Variants in ADPRH observed in about 807,000 individuals in gnomAD.
ADPRH encodes ADP-ribosylarginine hydrolase.
A neutral mutation model predicts 28.8 loss-of-function variants in ADPRH; 27 were observed. That is an observed-to-expected ratio of 0.94 (90% CI 0.69 to 1.29). The LOEUF (loss-of-function observed/expected upper bound fraction) is 1.29, where lower values mean the gene tolerates loss of function less well. Ranked by LOEUF, ADPRH falls within the 50% of genes most tolerant of loss-of-function variation. ADPRH has a pLI of 0.00. For missense variants in ADPRH, 419 were observed against 444.8 expected (o/e 0.94, Z 0.52); for synonymous variants, 161 against 166.9 (o/e 0.96, Z 0.27).
rs1164839910 is a variant in ADPRH, at chr3:119,589,581, G to C, written c.*1703G>C. 6.6e-6 allele frequency: 1 copy of C among 152,198 alleles called. No homozygotes were observed. The highest frequency in any genetic ancestry group is 1.9e-4 in the East Asian group (1 of 5,206). The allele number at this position is 152,198 out of a possible 1,614,324, so 9.4% of individuals were successfully genotyped here. ...GGTTGTGTGTGCCCCAGGGGGTCGGGGGTAGGGGATGCAGGGAGGATCTTA... is the reference window on the plus strand; with the variant it reads ...GGTTGTGTGTGCCCCAGGGGGTCGGCGGTAGGGGATGCAGGGAGGATCTTA... On this transcript the variant is annotated 3_prime_UTR_variant, in exon 5 of 5. Transcript: ENST00000357003.
In ADPRH at chr3:119,582,352, G is replaced by C; in HGVS notation, c.183G>C (p.Leu61Phe). 5.6e-6 allele frequency: 9 copies of C among 1,614,202 alleles called. No individual in the cohort carries two copies. Among genetic ancestry groups the C allele is most frequent in the Non-Finnish European group, 7.6e-6 (9 of 1,180,040 alleles). Residue 61 changes from leucine to phenylalanine, a missense_variant, in exon 3 of 5, where the codon TTG (leucine) becomes TTC (phenylalanine). Transcript: ENST00000357003. ...WRVSDDTVMH[L>F]ATAEALVEAG... ...TTAGTGACGACACAGTGATGCACTT[G>C]GCCACAGCAGAAGCTCTTGTGGAAG...
At chr3:119,583,555 A>C (rs1002903757) in intron 3 of ADPRH, among the ~76,000 whole-genome samples, 5 of 152,164 alleles carry the variant, frequency 3.3e-5, no homozygotes, top group African/African-American at 1.2e-4. Context: ...ATTGAAAAGT[A>C]TTATTATACA....
At position 119,586,358 on chromosome 3, in the gene ADPRH, C is replaced by A. The variant is rs536835076; in HGVS notation, c.372C>A (p.Ser124Arg). Residue 124 changes from serine to arginine, a missense_variant, in exon 4 of 5, where the codon AGC (serine) becomes AGA (arginine). Coordinates refer to ENST00000357003, the MANE Select transcript of ADPRH (RefSeq NM_001125.4). ...KPNGWRIPFN[S>R]HEGGCGAAMR... The stretch of plus-strand genomic sequence containing the variant: ...ATGGCTGGAGGATTCCCTTCAACAG[C>A]CATGAGGGCGGCTGTGGGGCTGCCA... The A allele has an allele frequency of 1.2e-6, 2 of 1,614,232 alleles. No individual in the cohort carries two copies. The highest frequency in any genetic ancestry group is 1.7e-6 in the Non-Finnish European group (2 of 1,180,056).
Position 119,587,860 on chromosome 3 carries a change from C to T in ADPRH, c.1056C>T (p.Asp352=). Residue 352 remains aspartate, a synonymous_variant, in exon 5 of 5, where the codon GAC becomes GAT. Transcript: ENST00000357003. Reference sequence around the variant, plus strand: ...TATATTCTCTCGGGTCAAAAGAAGACACTGTAATTTCCCTTTAGGGAGACG... The same window carrying T: ...TATATTCTCTCGGGTCAAAAGAAGATACTGTAATTTCCCTTTAGGGAGACG... ...RALYSLGSKE[D]TVISL is the part of the protein sequence containing the mutation. 6.2e-7 allele frequency: 1 copy of T among 1,600,784 alleles called. No homozygotes were observed. Among genetic ancestry groups the T allele is most frequent in the South Asian group, 1.1e-5 (1 of 89,386 alleles).
chr3:119,588,041 C>A lies in ADPRH; in HGVS notation c.*163C>A. ...TAAGCTCAGTTTTTTCAGGCTCATC[C>A]TGTTCTTCCAGAATCTATCCCTTTT... is the stretch of plus-strand genomic sequence containing the variant. On this transcript the variant is annotated 3_prime_UTR_variant, in exon 5 of 5. Transcript: ENST00000357003. 3 of 642,182 alleles carry A rather than the reference C, an allele frequency of 4.7e-6. No homozygotes were observed. The highest frequency in any genetic ancestry group is 7.3e-6 in the Non-Finnish European group (3 of 408,638). 39.8% of individuals were successfully genotyped at this position (642,182 alleles called of 1,614,324 possible).
rs377275745 is a variant in ADPRH at position 119,586,355 on chromosome 3, C to T, written c.369C>T (p.Asn123=). 14 of 1,614,210 alleles carry T rather than the reference C, an allele frequency of 8.7e-6. No individual in the cohort carries two copies. The highest frequency in any genetic ancestry group is 1.2e-5 in the Non-Finnish European group (14 of 1,180,048). ...GKPNGWRIPF[N]SHEGGCGAAM... ...CCAATGGCTGGAGGATTCCCTTCAACAGCCATGAGGGCGGCTGTGGGGCTG... is the reference window on the plus strand; with the variant it reads ...CCAATGGCTGGAGGATTCCCTTCAATAGCCATGAGGGCGGCTGTGGGGCTG... The change falls in exon 4 of 5, where the codon AAC becomes AAT. Residue 123 remains asparagine, a synonymous_variant. Coordinates refer to ENST00000357003, the MANE Select transcript of ADPRH (RefSeq NM_001125.4).
At position 119,582,459 on chromosome 3, in the gene ADPRH, G is replaced by A. The variant is rs756802683; in HGVS notation, c.290G>A (p.Arg97Gln). The A allele has an allele frequency of 8.7e-6, 14 of 1,612,184 alleles. No homozygotes were observed. Among genetic ancestry groups the A allele is most frequent in the East Asian group, 2.2e-5 (1 of 44,872 alleles). ...YQDCMEDMDG[R>Q]APGGASVHNA... ...GACTGCATGGAAGACATGGATGGGC[G>A]GGCACCAGGTGAGCACAGCCGGTGG... Residue 97 changes from arginine (R) to glutamine (Q), a missense_variant, in exon 3 of 5, where the codon CGG becomes CAG. By Grantham distance (43) the Arg-to-Gln change is conservative (BLOSUM62 1). Coordinates refer to ENST00000357003, the MANE Select transcript of ADPRH (RefSeq NM_001125.4).
rs530941827 is a variant in ADPRH at position 119,583,432 on chromosome 3, C to G, written c.298+965C>G. On this transcript the variant is annotated intron_variant, in intron 3 of 4. Transcript: ENST00000357003. ...AGATATGCTAATTAGCCTGATCATC[C>G]CACATTGTTTACATATATCAAATCA... 7.6e-4 allele frequency among the ~76,000 whole-genome samples: 116 copies of G among 151,992 alleles called. 3 individuals carry two copies. Among genetic ancestry groups the G allele is most frequent in the Non-Finnish European group, 4.1e-4 (28 of 67,996 alleles).
chr3:119,586,869 C>G (rs1042112728), intron 4 of ADPRH, among the ~76,000 whole-genome samples: 1 of 152,216 alleles, frequency 6.6e-6, no homozygotes, highest in Non-Finnish European at 1.5e-5. Flanking sequence ...TGGTGTTTCC[C>G]TCTTACACGG....
At position 119,586,431 on chromosome 3, in the gene ADPRH, G is replaced by T. The variant is rs1479390173; in HGVS notation, c.445G>T (p.Asp149Tyr). ...CAGGTTCCCACACCATAGCCAACTG[G>T]ACACACTGATCCAAGTGAGCATCGA... ...GLRFPHHSQL[D>Y]TLIQVSIESG... The change falls in exon 4 of 5, where the codon GAC (aspartate) becomes TAC (tyrosine). Residue 149 changes from aspartate (D) to tyrosine (Y), a missense_variant. Transcript: ENST00000357003. The T allele has an allele frequency of 1.2e-6, 2 of 1,614,194 alleles. No homozygotes were observed. The highest frequency in any genetic ancestry group is 1.7e-6 in the Non-Finnish European group (2 of 1,180,048).
At position 119,582,324 on chromosome 3, in the gene ADPRH, G is replaced by T; in HGVS notation, c.155G>T (p.Arg52Ile). 6.2e-7 allele frequency: 1 copy of T among 1,614,236 alleles called. No homozygotes were observed. The highest frequency in any genetic ancestry group is 8.5e-7 in the Non-Finnish European group (1 of 1,180,050). ...GATGCCCTAGACGTGGGAAGGTGGAGAGTTAGTGACGACACAGTGATGCAC... is the reference window on the plus strand; with the variant it reads ...GATGCCCTAGACGTGGGAAGGTGGATAGTTAGTGACGACACAGTGATGCAC... ...GLDALDVGRW[R>I]VSDDTVMHLA... is the part of the protein sequence containing the mutation. Residue 52 changes from arginine (R) to isoleucine (I), a missense_variant, in exon 3 of 5, where the codon AGA becomes ATA. Arg to Ile is a moderately conservative substitution (Grantham distance 97, BLOSUM62 -3). Transcript: ENST00000357003.
At chr3:119,582,950 G>C (rs971416960) in intron 3 of ADPRH, among the ~76,000 whole-genome samples, 2 of 152,228 alleles carry the variant, frequency 1.3e-5, no homozygotes, top group South Asian at 4.1e-4. Context: ...CTGATGATCT[G>C]TGGTGGAACA....
At chr3:119,581,152 C>T (rs2082402355) in intron 2 of ADPRH, among the ~76,000 whole-genome samples, 1 of 149,364 alleles carries the variant, frequency 6.7e-6, no homozygotes, top group South Asian at 2.1e-4. Context: ...ACTGCAACCT[C>T]TGCCTCCTGG....
rs913580135 is a variant in ADPRH at position 119,579,789 on chromosome 3, T to TC, written c.-181dup. The TC allele has an allele frequency of 6.5e-6, 1 of 153,450 alleles. No homozygotes were observed. The highest frequency in any genetic ancestry group is 1.4e-5 in the Non-Finnish European group (1 of 69,090). The allele number at this position is 153,450 out of a possible 1,614,324, so 9.5% of individuals were successfully genotyped here. On this transcript the variant is annotated 5_prime_UTR_variant, in exon 1 of 5. Coordinates refer to ENST00000357003, the MANE Select transcript of ADPRH (RefSeq NM_001125.4). The stretch of plus-strand genomic sequence containing the variant: ...TCCACCCGCAGCAGCCAAGGCCTCT[T>TC]CCCCGGCCCCGGGAGCCCGCGCCAC...
intron 2 of ADPRH, among the ~76,000 whole-genome samples, chr3:119,581,064 CTTT>C (rs71156755): frequency 4.2e-5 from 5 of 120,220 alleles, no homozygotes; most frequent in Admixed American, 8.6e-5. Context: ...ACTCTAAGAA[CTTT>C]TTTTTTTTTT....
chr3:119,582,530 T>C, intron 3 of ADPRH, 63 bp downstream of exon 3: 2 of 1,478,216 alleles, frequency 1.4e-6, no homozygotes, highest in Non-Finnish European at 1.8e-6. Context: ...AGGAAATCAT[T>C]AAGAATGTTG....
chr3:119,583,183 C>G (rs78274164), intron 3 of ADPRH, among the ~76,000 whole-genome samples: 2 of 152,038 alleles, frequency 1.3e-5, no homozygotes, highest in Non-Finnish European at 2.9e-5. Context: ...GAGCTAGGAT[C>G]GTGCCACTGC....
chr3:119,586,710 CAT>C (rs1553787775), intron 4 of ADPRH, 65 bp downstream of exon 4: 2 of 1,580,626 alleles, frequency 1.3e-6, no homozygotes, highest in East Asian at 2.2e-5. Flanking sequence ...TCCACCTGCA[CAT>C]ATATGTCTTG....
chr3:119,587,037 T>C (rs1351051971), intron 4 of ADPRH, among the ~76,000 whole-genome samples: 1 of 152,226 alleles, frequency 6.6e-6, no homozygotes, highest in Non-Finnish European at 1.5e-5. Flanking sequence ...ACTAGCTAAC[T>C]AATAAGTGGT....
Sources: allele counts gnomAD v4.1 joint callset (sites outside exome capture counted in the v4.1 genomes callset), GRCh38; gene constraint gnomAD v4.1.1; transcripts MANE v1.5; gene names NCBI Gene and HGNC (gene_info 2026-07-23, HGNC 2026-07-21).